The following SGMS2 variants were observed in gnomAD, a reference collection of about 807,000 sequenced individuals.
SGMS2 encodes phosphatidylcholine:ceramide cholinephosphotransferase 2.
Under a neutral mutation model 43.8 loss-of-function variants are expected in SGMS2, and 21 were observed. The ratio of observed to expected loss-of-function variants is 0.48; its 90% CI spans 0.34 to 0.69. SGMS2 has a LOEUF of 0.69. Ranked by LOEUF, SGMS2 falls within the 30% of genes least tolerant of loss-of-function variation. The pLI is 0.01. For missense variants in SGMS2, 384 were observed against 443.2 expected, an observed-to-expected ratio of 0.87 and a Z score of 1.20; for synonymous variants, 167 against 160.6, an observed-to-expected ratio of 1.04 and a Z score of -0.30.
chr4:107,909,923 C>T (rs1211867005), intron 6 of SGMS2, among the ~76,000 whole-genome samples: 3 of 152,050 alleles, frequency 2.0e-5, no homozygotes, highest in African/African-American at 4.8e-5. Context: ...TTCCATCTTC[C>T]TTCTTACACT....
At chr4:107,881,656 A>G (rs1296412429) in intron 2 of SGMS2, among the ~76,000 whole-genome samples, 3 of 152,178 alleles carry the variant, frequency 2.0e-5, no homozygotes, top group South Asian at 2.1e-4. Flanking sequence ...ACAATAAATT[A>G]TTGTTGACTG....
chr4:107,887,409 T>G lies in SGMS2; in HGVS notation c.-244-7901T>G, dbSNP rs1488843319. On this transcript the variant is annotated intron_variant, in intron 2 of 6. Coordinates refer to ENST00000690982, the MANE Select transcript of SGMS2 (RefSeq NM_001375905.1). Reference sequence around the variant, plus strand: ...ATAATTATAATTATTACTGATAATGTACATTAAGTCATATCAGAATTATGG... The same window carrying G: ...ATAATTATAATTATTACTGATAATGGACATTAAGTCATATCAGAATTATGG... Among the ~76,000 whole-genome samples, 4 of 152,218 alleles carry G rather than the reference T, an allele frequency of 2.6e-5. No individual in the cohort carries two copies. The South Asian group carries it at 8.3e-4, about 32-fold the overall frequency.
intron 2 of SGMS2, chr4:107,863,405 A>G (rs983776731): frequency 2.6e-5 from 4 of 152,348 alleles, no homozygotes; most frequent in Admixed American, 1.3e-4. Flanking sequence ...CTTGCTCGCC[A>G]TGCTCTAGAC....
intron 2 of SGMS2, among the ~76,000 whole-genome samples, chr4:107,877,834 A>C (rs961929800): frequency 1.3e-5 from 2 of 151,834 alleles, no homozygotes; most frequent in Admixed American, 6.6e-5. Context: ...GGTATGTCAT[A>C]CTTCACTAGC....
At chr4:107,863,745 A>G (rs1202844630) in intron 2 of SGMS2, 2 of 152,074 alleles carry the variant, frequency 1.3e-5, no homozygotes, top group Non-Finnish European at 2.9e-5. Context: ...CCCCCTTTTT[A>G]TATAAGATAT....
intron 1 of SGMS2, among the ~76,000 whole-genome samples, chr4:107,842,748 C>T (rs1368946976): frequency 6.6e-6 from 1 of 152,138 alleles, no homozygotes; most frequent in Non-Finnish European, 1.5e-5. Context: ...TTTATTGTTT[C>T]ATCAGCCACT....
intron 1 of SGMS2, among the ~76,000 whole-genome samples, chr4:107,848,566 C>T (rs925512161): frequency 6.6e-6 from 1 of 152,176 alleles, no homozygotes; most frequent in African/African-American, 2.4e-5. Context: ...TGCTCCACAT[C>T]CTCACCAGCA....
chr4:107,836,781 T>C (rs1320437274), intron 1 of SGMS2, among the ~76,000 whole-genome samples: 1 of 152,128 alleles, frequency 6.6e-6, no homozygotes, highest in Admixed American at 6.6e-5. Flanking sequence ...TTACTTGATA[T>C]CAAATATTTG....
At chr4:107,907,221 A>G (rs1055954019) in intron 5 of SGMS2, 1 of 152,210 alleles carries the variant, frequency 6.6e-6, no homozygotes, top group African/African-American at 2.4e-5. Context: ...ATACAGGTTT[A>G]TTTTCTTACT....
At chr4:107,885,536 C>T (rs1729682577) in intron 2 of SGMS2, among the ~76,000 whole-genome samples, 1 of 152,144 alleles carries the variant, frequency 6.6e-6, no homozygotes, top group African/African-American at 2.4e-5. Context: ...TTCATATTCA[C>T]TCCTAAATAA....
At chr4:107,825,475 T>G (rs897803594) in intron 1 of SGMS2, among the ~76,000 whole-genome samples, 12 of 151,930 alleles carry the variant, frequency 7.9e-5, no homozygotes, top group Non-Finnish European at 1.6e-4. Flanking sequence ...TGCAACCCAT[T>G]TCGGGTACCC....
At chr4:107,853,014 T>C (rs991849574) in intron 1 of SGMS2, among the ~76,000 whole-genome samples, 2 of 152,214 alleles carry the variant, frequency 1.3e-5, no homozygotes, top group African/African-American at 4.8e-5. Flanking sequence ...TTTTCTTTTA[T>C]TGTGAAGGTT....
chr4:107,864,031 C>T (rs1299606153), intron 2 of SGMS2: 1 of 152,228 alleles, frequency 6.6e-6, no homozygotes, highest in African/African-American at 2.4e-5. Context: ...TCTATCCTTG[C>T]AGCTCATAAC....
At chr4:107,894,905 T>C (rs919190423) in intron 2 of SGMS2, among the ~76,000 whole-genome samples, 1 of 152,220 alleles carries the variant, frequency 6.6e-6, no homozygotes, top group South Asian at 2.1e-4. Flanking sequence ...TTTTTTATTC[T>C]TTCTTTATGG....
At chr4:107,878,241 G>A (rs115718129) in intron 2 of SGMS2, among the ~76,000 whole-genome samples, 123 of 152,122 alleles carry the variant, frequency 8.1e-4, no homozygotes, top group Non-Finnish European at 1.4e-3. Flanking sequence ...ACTAAACACC[G>A]AAAACATCTA....
chr4:107,888,518 C>T (rs868255905), intron 2 of SGMS2, among the ~76,000 whole-genome samples: 1 of 152,016 alleles, frequency 6.6e-6, no homozygotes, highest in South Asian at 2.1e-4. Context: ...AGTCATTCTA[C>T]TCTAGGACTA....
At chr4:107,872,981 G>T (rs148867503) in intron 2 of SGMS2, among the ~76,000 whole-genome samples, 2 of 152,048 alleles carry the variant, frequency 1.3e-5, no homozygotes, top group African/African-American at 4.8e-5. Flanking sequence ...AAAGATAAAA[G>T]CATTTCTAAA....
chr4:107,878,045 A>C (rs1470414001), intron 2 of SGMS2, among the ~76,000 whole-genome samples: 1 of 150,310 alleles, frequency 6.7e-6, no homozygotes, highest in African/African-American at 2.5e-5. Context: ...CCTCCTGAGT[A>C]GCTGGGACTA....
At chr4:107,896,039 C>T in intron 3 of SGMS2, 31 bp downstream of exon 3, 1 of 1,581,164 alleles carries the variant, frequency 6.3e-7, no homozygotes, top group Non-Finnish European at 8.6e-7. Flanking sequence ...GAGGATTTGT[C>T]ATGGGTTTGT....
Sources: gnomAD v4.1 joint callset for allele counts (sites outside exome capture counted in the v4.1 genomes callset) on GRCh38, gnomAD v4.1.1 for gene constraint, MANE v1.5 for transcripts, NCBI Gene and HGNC (gene_info 2026-07-23, HGNC 2026-07-21) for gene names.